The following RBFOX1 variants were observed in gnomAD, a reference collection of about 807,000 sequenced individuals.
The protein encoded by RBFOX1 is RNA binding fox-1 homolog 1, also known as RNA binding protein fox-1 homolog 1.
A neutral mutation model predicts 57.7 loss-of-function variants in RBFOX1; 8 were observed. That is an observed-to-expected ratio of 0.14 (90% CI 0.08 to 0.25). The LOEUF (loss-of-function observed/expected upper bound fraction) is 0.25. RBFOX1 is among the 10% of genes least tolerant of loss of function. RBFOX1 has a pLI of 1.00. For synonymous variants in RBFOX1, 326 were observed against 222.4 expected, an observed-to-expected ratio of 1.47 and a Z score of -4.15; for missense variants, 611 against 548.5, an observed-to-expected ratio of 1.11 and a Z score of -1.14.
At chr16:7,215,689 A>G (rs1050269399) in intron 4 of RBFOX1, among the ~76,000 whole-genome samples, 4 of 150,386 alleles carry the variant, frequency 2.7e-5, no homozygotes. Context: ...GCCACCACTA[A>G]TCTATTTTCT....
chr16:6,526,188 G>C (rs2153810496), intron 2 of RBFOX1, among the ~76,000 whole-genome samples: 2 of 152,286 alleles, frequency 1.3e-5, no homozygotes, highest in South Asian at 2.1e-4. Flanking sequence ...TTCAGGACTG[G>C]ATGAATTAAT....
At chr16:7,263,823 C>T (rs1386827901) in intron 4 of RBFOX1, among the ~76,000 whole-genome samples, 1 of 151,584 alleles carries the variant, frequency 6.6e-6, no homozygotes, top group Non-Finnish European at 1.5e-5. Context: ...TCGCTTGAAC[C>T]CAGAAGGCGG....
rs1253949154 is a variant in RBFOX1, at chr16:7,326,881, C to T, written c.28-191266C>T. ...GGTCTGGGGGCCCCTGGCAGCCCCT[C>T]CACCTTCCTCACACTTTTTCAGTCA... On this transcript the variant is annotated intron_variant, in intron 4 of 15. Coordinates refer to ENST00000550418, the MANE Select transcript of RBFOX1 (RefSeq NM_018723.4). 2.0e-5 allele frequency among the ~76,000 whole-genome samples: 3 copies of T among 152,228 alleles called. No individual in the cohort carries two copies. The East Asian group carries it at 5.8e-4, about 29-fold the overall frequency.
At chr16:7,567,216 CAT>C (rs1310281019) in intron 5 of RBFOX1, among the ~76,000 whole-genome samples, 1 of 111,322 alleles carries the variant, frequency 9.0e-6, no homozygotes, top group African/African-American at 3.4e-5. Context: ...TATAAATATC[CAT>C]ATATATATCC....
At chr16:5,886,869 C>T (rs752404206) in intron 4 of RBFOX1, among the ~76,000 whole-genome samples, 8 of 152,200 alleles carry the variant, frequency 5.3e-5, no homozygotes, top group Non-Finnish European at 8.8e-5. Context: ...GCCTGGGCAA[C>T]GGAGTGAGAC....
chr16:7,487,607 G>A (rs145658496), intron 4 of RBFOX1, among the ~76,000 whole-genome samples: 3 of 152,228 alleles, frequency 2.0e-5, no homozygotes, highest in African/African-American at 7.2e-5. Context: ...ATAAGCAGTA[G>A]ACTATCCACT....
At chr16:5,666,458 C>G (rs375988881) in intron 3 of RBFOX1, among the ~76,000 whole-genome samples, 3 of 152,306 alleles carry the variant, frequency 2.0e-5, no homozygotes, top group Admixed American at 6.5e-5. Flanking sequence ...TTCCCTGGAT[C>G]TCTCAGACAT....
exon 3 of RBFOX1, chr16:5,599,695 T>C (rs1321082182): frequency 6.4e-6 from 1 of 155,952 alleles, no homozygotes; most frequent in Non-Finnish European, 1.4e-5. Flanking sequence ...TAGCCATCAC[T>C]ACTAGCTTTC....
intron 2 of RBFOX1, among the ~76,000 whole-genome samples, chr16:6,593,067 C>G (rs2097734939): frequency 6.6e-6 from 1 of 152,148 alleles, no homozygotes; most frequent in Non-Finnish European, 1.5e-5. Context: ...TGGCAGGTGC[C>G]TGTACTCCCA....
At chr16:6,584,650 T>G (rs2097581831) in intron 2 of RBFOX1, among the ~76,000 whole-genome samples, 2 of 152,062 alleles carry the variant, frequency 1.3e-5, no homozygotes, top group South Asian at 4.2e-4. Flanking sequence ...ATTACAGGCA[T>G]GAGCCACCAT....
At chr16:7,018,702 A>C (rs2094042325) in intron 3 of RBFOX1, among the ~76,000 whole-genome samples, 1 of 152,100 alleles carries the variant, frequency 6.6e-6, no homozygotes, top group Admixed American at 6.6e-5. Context: ...TGACATGTTA[A>C]TGGGTGCAGC....
chr16:7,426,192 A>G (rs1252018238), intron 4 of RBFOX1, among the ~76,000 whole-genome samples: 1 of 152,230 alleles, frequency 6.6e-6, no homozygotes, highest in Non-Finnish European at 1.5e-5. Context: ...AGCCGAAAAG[A>G]GCTCTTAAAG....
intron 3 of RBFOX1, chr16:6,705,184 C>G (rs1316448285): frequency 2.0e-5 from 3 of 152,090 alleles, no homozygotes; most frequent in African/African-American, 7.2e-5. Flanking sequence ...AGCCATTGCT[C>G]TATGGTTCCA....
chr16:7,679,754 C>A (rs372490839), intron 14 of RBFOX1, among the ~76,000 whole-genome samples: 2 of 151,972 alleles, frequency 1.3e-5, no homozygotes, highest in Non-Finnish European at 2.9e-5. Flanking sequence ...GTTAAATGAT[C>A]ACATGCTGAT....
intron 4 of RBFOX1, among the ~76,000 whole-genome samples, chr16:7,059,278 C>A (rs892189998): frequency 1.3e-5 from 2 of 152,096 alleles, no homozygotes; most frequent in African/African-American, 4.8e-5. Context: ...AAAATGTAAG[C>A]CCCCCTTCTC....
At position 7,209,667 on chromosome 16, in the gene RBFOX1, A is replaced by T. The variant is rs75174488; in HGVS notation, c.27+157569A>T. ...TGAGCACTTAAGTCGCATTTAAAAA[A>T]ATTTTTAATCCGTATTTGGTTTGCT... On this transcript the variant is annotated intron_variant, in intron 4 of 15. Transcript: ENST00000550418. 9.4e-3 allele frequency among the ~76,000 whole-genome samples: 1,429 copies of T among 152,316 alleles called. 11 individuals carry two copies. Among genetic ancestry groups the T allele is most frequent in the Middle Eastern group, 0.024 (7 of 294 alleles).
chr16:6,587,012 G>GTGTA (rs2097635190), intron 2 of RBFOX1, among the ~76,000 whole-genome samples: 1 of 150,330 alleles, frequency 6.7e-6, no homozygotes, highest in African/African-American at 2.4e-5. Flanking sequence ...CCTGTTTATT[G>GTGTA]TGTGTGTGTG....
chr16:6,096,022 T>A (rs9302816), intron 1 of RBFOX1, among the ~76,000 whole-genome samples: 1 of 152,186 alleles, frequency 6.6e-6, no homozygotes, highest in African/African-American at 2.4e-5. Flanking sequence ...CTTTCAGAGT[T>A]TAAGACGATG....
intron 1 of RBFOX1, among the ~76,000 whole-genome samples, chr16:6,067,097 C>G (rs373151437): frequency 3.6e-4 from 55 of 152,230 alleles, no homozygotes; most frequent in Middle Eastern, 3.4e-3. Context: ...TGCCGAGTCC[C>G]TCTCCCTCAT....
Sources: gnomAD v4.1 joint callset for allele counts (sites outside exome capture counted in the v4.1 genomes callset) on GRCh38, gnomAD v4.1.1 for gene constraint, MANE v1.5 for transcripts, NCBI Gene and HGNC (gene_info 2026-07-23, HGNC 2026-07-21) for gene names.